GPHN: variants seen among roughly 807,000 people sequenced by gnomAD.
GPHN encodes the protein gephyrin.
A neutral mutation model predicts 95.5 loss-of-function variants in GPHN; 17 were observed. That is an observed-to-expected ratio of 0.18 (90% CI 0.12 to 0.27). The LOEUF (loss-of-function observed/expected upper bound fraction) is 0.27, where lower values mean the gene tolerates loss of function less well. Ranked by LOEUF, GPHN falls within the 10% of genes least tolerant of loss-of-function variation. The pLI is 1.00. For synonymous variants in GPHN, 320 were observed against 322.5 expected (o/e 0.99, Z 0.08); for missense variants, 660 against 978.1 (o/e 0.67, Z 4.34).
intron 3 of GPHN, among the ~76,000 whole-genome samples, chr14:66,819,460 G>C (rs1566978340): frequency 6.6e-6 from 1 of 152,046 alleles, no homozygotes; most frequent in African/African-American, 2.4e-5. Context: ...TCAAAGATCA[G>C]ACAGTTGTAG....
chr14:67,294,091 C>G, the GPHN span, among the ~76,000 whole-genome samples: 10 of 152,092 alleles, frequency 6.6e-5, no homozygotes, highest in Non-Finnish European at 1.5e-4. Context: ...TAAAAAAGAT[C>G]AATTTTGAAT....
chr14:67,279,190 A>G, the GPHN span: 1 of 1,599,672 alleles, frequency 6.3e-7, no homozygotes, highest in Non-Finnish European at 8.5e-7. Context: ...TCCCATATGA[A>G]TGGGCATGTT....
intron 18 of GPHN, among the ~76,000 whole-genome samples, chr14:67,156,329 A>T (rs943311012): frequency 6.6e-6 from 1 of 152,130 alleles, no homozygotes; most frequent in African/African-American, 2.4e-5. Context: ...ATACATGCAC[A>T]TACGTATATG....
chr14:67,313,778 AT>A, the GPHN span, among the ~76,000 whole-genome samples: 13 of 151,878 alleles, frequency 8.6e-5, no homozygotes, highest in Admixed American at 5.9e-4. Flanking sequence ...ACTTATGTAT[AT>A]TTTTTTCTTC....
chr14:67,645,883 T>G, the GPHN span: 1 of 1,524,060 alleles, frequency 6.6e-7, no homozygotes, highest in Non-Finnish European at 8.9e-7. Flanking sequence ...AAGATTTTGG[T>G]GAAGGGTGGG....
chr14:67,394,957 A>G, the GPHN span, among the ~76,000 whole-genome samples: 1 of 152,192 alleles, frequency 6.6e-6, no homozygotes, highest in African/African-American at 2.4e-5. Flanking sequence ...TCCCACCAGC[A>G]AGAAGGCCCT....
chr14:66,579,871 T>C (rs2061082246), intron 1 of GPHN, among the ~76,000 whole-genome samples: 1 of 151,794 alleles, frequency 6.6e-6, no homozygotes, highest in South Asian at 2.1e-4. Context: ...AAAGCAACTG[T>C]ACCTAACAAA....
the GPHN span, chr14:67,204,979 G>T: frequency 1.3e-6 from 2 of 1,579,286 alleles, no homozygotes. Flanking sequence ...AGAAGTCATA[G>T]AAGTCAGAGA....
chr14:67,153,562 CA>C (rs377336694), intron 18 of GPHN, among the ~76,000 whole-genome samples: 1 of 152,150 alleles, frequency 6.6e-6, no homozygotes, highest in South Asian at 2.1e-4. Flanking sequence ...ATTGGAGTTT[CA>C]ACATATGAAT....
chr14:67,205,017 T>C, the GPHN span: 1 of 1,555,274 alleles, frequency 6.4e-7, no homozygotes, highest in Middle Eastern at 1.7e-4. Flanking sequence ...ACAGCTCTGA[T>C]ATTACAAACT....
At chr14:67,295,849 C>G in the GPHN span, among the ~76,000 whole-genome samples, 2 of 152,144 alleles carry the variant, frequency 1.3e-5, no homozygotes, top group African/African-American at 4.8e-5. Context: ...CCAGCAATTT[C>G]ACTTGTAGGT....
In GPHN at chr14:67,179,691, T is replaced by G. The variant is rs371173068; in HGVS notation, c.2176+17T>G. 58 of 1,264,784 alleles carry G rather than the reference T, an allele frequency of 4.6e-5. No homozygotes were observed. The highest frequency in any genetic ancestry group is 6.6e-5 in the Non-Finnish European group (57 of 860,554). The allele number at this position is 1,264,784 out of a possible 1,614,324, so 78.3% of individuals were successfully genotyped here. A position where few individuals can be genotyped will look rare whatever the true frequency, so the allele number is the denominator to read the frequency against. ...AGAGTACAGGTTAGTCATTCACATC[T>G]ACAGATATTCCTAGACACCTATCCT... On this transcript the variant is annotated intron_variant, in intron 22 of 22. Transcript: ENST00000478722.
the GPHN span, among the ~76,000 whole-genome samples, chr14:67,412,443 C>T: frequency 6.6e-6 from 1 of 152,166 alleles, no homozygotes; most frequent in East Asian, 1.9e-4. Flanking sequence ...TCGAATTGAA[C>T]ATAACCGACA....
the GPHN span, chr14:67,412,122 ACCCGCGCAG>A: frequency 1.4e-5 from 19 of 1,403,138 alleles, no homozygotes; most frequent in Middle Eastern, 1.8e-4. Context: ...GCTCCTCGGC[ACCCGCGCAG>A]CCCGCGCAGT....
intron 9 of GPHN, among the ~76,000 whole-genome samples, chr14:66,991,906 T>TAGAATA (rs1178212918): frequency 1.4e-5 from 2 of 146,750 alleles, no homozygotes; most frequent in Non-Finnish European, 3.0e-5. Context: ...AAGAAAAACA[T>TAGAATA]AGAATAAGAT....
the GPHN span, among the ~76,000 whole-genome samples, chr14:67,366,490 T>G: frequency 6.6e-6 from 1 of 152,236 alleles, no homozygotes. Context: ...TGTAAAGATA[T>G]TTCCATAGCA....
the GPHN span, among the ~76,000 whole-genome samples, chr14:67,547,209 G>A: frequency 3.4e-3 from 525 of 152,254 alleles, 1 homozygote; most frequent in African/African-American, 0.012. Context: ...GAGGAAAGAG[G>A]GGAGAGACAC....
chr14:66,960,302 C>A (rs530754749), intron 8 of GPHN, among the ~76,000 whole-genome samples: 11 of 143,388 alleles, frequency 7.7e-5, no homozygotes, highest in Non-Finnish European at 1.7e-4. Flanking sequence ...TCCCTGTGTA[C>A]AGGTTATACT....
chr14:66,604,786 A>T (rs768844706), intron 1 of GPHN, among the ~76,000 whole-genome samples: 2 of 152,096 alleles, frequency 1.3e-5, no homozygotes, highest in Non-Finnish European at 2.9e-5. Context: ...TGGGATATAG[A>T]TGATCCTGTC....
Sources: gnomAD v4.1 joint callset for allele counts (sites outside exome capture counted in the v4.1 genomes callset) on GRCh38, gnomAD v4.1.1 for gene constraint, MANE v1.5 for transcripts, NCBI Gene and HGNC (gene_info 2026-07-23, HGNC 2026-07-21) for gene names.